Variants in STK3 observed in about 807,000 individuals in gnomAD.
STK3 encodes serine/threonine kinase 3.
In STK3, 41 loss-of-function variants were observed where a neutral mutation model predicts 58.0. The ratio of observed to expected loss-of-function variants is 0.71; its 90% CI spans 0.55 to 0.92. The LOEUF is 0.92. STK3 is among the 40% of genes least tolerant of loss of function. The pLI is 0.00. For synonymous variants in STK3, 170 were observed against 191.0 expected, an observed-to-expected ratio of 0.89 and a Z score of 0.91; for missense variants, 479 against 602.7, an observed-to-expected ratio of 0.79 and a Z score of 2.15.
chr8:98,649,335 AC>A (rs1820685288), intron 6 of STK3, among the ~76,000 whole-genome samples: 1 of 152,178 alleles, frequency 6.6e-6, no homozygotes, highest in Admixed American at 6.5e-5. Flanking sequence ...CATATAAGTT[AC>A]AAAAAAAATC....
chr8:98,737,384 C>T (rs1264196523), intron 4 of STK3, among the ~76,000 whole-genome samples: 1 of 151,626 alleles, frequency 6.6e-6, no homozygotes, highest in African/African-American at 2.4e-5. Context: ...GATAAAACTC[C>T]TAAAAAGAGA....
chr8:98,370,867 C>T (rs547783056), downstream of STK3, among the ~76,000 whole-genome samples: 1 of 152,176 alleles, frequency 6.6e-6, no homozygotes, highest in Non-Finnish European at 1.5e-5. Flanking sequence ...TTTCTTTACA[C>T]CCGAGTCTCA....
intron 4 of STK3, among the ~76,000 whole-genome samples, chr8:98,714,570 T>C (rs1052936785): frequency 1.3e-5 from 2 of 152,124 alleles, no homozygotes; most frequent in African/African-American, 4.8e-5. Context: ...GAATCCAACT[T>C]ACAAGGGACA....
intron 1 of STK3, among the ~76,000 whole-genome samples, chr8:98,934,577 C>T (rs1445077494): frequency 2.0e-5 from 3 of 152,182 alleles, no homozygotes; most frequent in Admixed American, 1.3e-4. Context: ...TCAGTGAAAA[C>T]GATGTAGAAC....
At chr8:98,828,298 A>G (rs149616906), upstream of STK3, among the ~76,000 whole-genome samples, 141 of 152,018 alleles carry the variant, frequency 9.3e-4, no homozygotes, top group Middle Eastern at 0.01. Flanking sequence ...TTTGTGTTTC[A>G]TCAGAGAAAC....
intron 3 of STK3, among the ~76,000 whole-genome samples, chr8:98,845,877 A>C (rs1427304144): frequency 1.3e-5 from 2 of 152,210 alleles, no homozygotes; most frequent in Non-Finnish European, 2.9e-5. Context: ...CTACCTCAGC[A>C]AAGTTGCTGC....
In STK3 at chr8:98,412,995, TATC is replaced by T. The variant is rs2131043136; in HGVS notation, n.484-11485_484-11483del. The T allele has an allele frequency of 3.0e-5, 7 of 229,638 alleles. No homozygotes were observed. In the South Asian group the frequency reaches 3.9e-4, roughly 13 times the overall value. The allele number at this position is 229,638 out of a possible 1,614,324, so 14.2% of individuals were successfully genotyped here. A position where few individuals can be genotyped will look rare whatever the true frequency, so the allele number is the denominator to read the frequency against. ...GAAGGTCTGGGACTAGTCCTTCTGA[TATC>T]ATTTTGCTTTTTGTTTTGCTTTGTT... is the stretch of plus-strand genomic sequence containing the variant. On this transcript the variant is annotated intron_variant and non_coding_transcript_variant, in intron 3 of 3. Transcript: ENST00000517832.
intron 8 of STK3, among the ~76,000 whole-genome samples, chr8:98,572,359 T>C (rs1174636399): frequency 6.6e-6 from 1 of 152,176 alleles, no homozygotes; most frequent in South Asian, 2.1e-4. Flanking sequence ...CAAAAATGAA[T>C]GTAAATTTTA....
chr8:98,518,897 T>C (rs1247344705), intron 10 of STK3, among the ~76,000 whole-genome samples: 1 of 152,150 alleles, frequency 6.6e-6, no homozygotes. Flanking sequence ...TCATGCCACA[T>C]GTACACCTGT....
chr8:98,555,449 G>A (rs1015636855), intron 8 of STK3, among the ~76,000 whole-genome samples: 1 of 152,046 alleles, frequency 6.6e-6, no homozygotes, highest in Non-Finnish European at 1.5e-5. Context: ...TAGTGAGACA[G>A]TTAGACTACT....
At chr8:98,477,826 T>TTTGGTGGG (rs1012847116) in intron 10 of STK3, among the ~76,000 whole-genome samples, 5 of 148,026 alleles carry the variant, frequency 3.4e-5, no homozygotes, top group Admixed American at 2.1e-4. Context: ...CTAATGAACG[T>TTTGGTGGG]TTGGTGGGGT....
chr8:98,532,748 A>G (rs1271036076), intron 9 of STK3, among the ~76,000 whole-genome samples: 1 of 152,210 alleles, frequency 6.6e-6, no homozygotes, highest in Non-Finnish European at 1.5e-5. Flanking sequence ...TTTTTTAATT[A>G]CCATCAAAAA....
intron 1 of STK3, among the ~76,000 whole-genome samples, chr8:98,775,707 AAGAAAC>A (rs1210349665): frequency 2.0e-5 from 3 of 152,240 alleles, no homozygotes; most frequent in African/African-American, 7.2e-5. Flanking sequence ...ATACAACCTG[AAGAAAC>A]AGAAGGATAA....
At chr8:98,378,819 T>G (rs1444195053) in intron 2 of STK3, among the ~76,000 whole-genome samples, 2 of 152,140 alleles carry the variant, frequency 1.3e-5, no homozygotes, top group African/African-American at 4.8e-5. Context: ...AACACAACTC[T>G]CCACATGGCC....
At chr8:98,582,258 G>A (rs1419051064) in intron 7 of STK3, among the ~76,000 whole-genome samples, 1 of 151,762 alleles carries the variant, frequency 6.6e-6, no homozygotes, top group African/African-American at 2.4e-5. Context: ...ATTAGAATCT[G>A]GTACATTCAT....
intron 7 of STK3, among the ~76,000 whole-genome samples, chr8:98,588,945 C>G (rs1231152245): frequency 2.7e-5 from 4 of 147,018 alleles, no homozygotes; most frequent in Non-Finnish European, 4.5e-5. Context: ...GTTTTCAGCT[C>G]CATCAGCTCC....
intron 6 of STK3, among the ~76,000 whole-genome samples, chr8:98,620,566 G>T (rs1345662759): frequency 1.2e-4 from 18 of 145,874 alleles, no homozygotes; most frequent in Admixed American, 1.2e-3. Flanking sequence ...ACACTAAACC[G>T]AATAAAAATG....
the STK3 span, among the ~76,000 whole-genome samples, chr8:98,365,226 C>T: frequency 1.3e-5 from 2 of 152,220 alleles, no homozygotes; most frequent in Non-Finnish European, 2.9e-5. Context: ...AGCAAGATCA[C>T]TGGAGTGGAT....
intron 2 of STK3, among the ~76,000 whole-genome samples, chr8:98,377,456 A>G (rs1227239052): frequency 6.6e-6 from 1 of 152,002 alleles, no homozygotes; most frequent in Non-Finnish European, 1.5e-5. Context: ...CAAATGTTAA[A>G]CATTTTCTTC....
Sources: gnomAD v4.1 joint callset for allele counts (sites outside exome capture counted in the v4.1 genomes callset) on GRCh38, gnomAD v4.1.1 for gene constraint, MANE v1.5 for transcripts, NCBI Gene and HGNC (gene_info 2026-07-23, HGNC 2026-07-21) for gene names.